The following NCKAP5 variants were observed in gnomAD, a reference collection of about 807,000 sequenced individuals.
NCKAP5 encodes NCK associated protein 5.
NCKAP5 carries 92 observed loss-of-function variants against 167.0 expected under a neutral mutation model. That is an observed-to-expected ratio of 0.55 (90% CI 0.47 to 0.66). The LOEUF is 0.66. Ranked by LOEUF, NCKAP5 falls within the 30% of genes least tolerant of loss-of-function variation. The pLI, the probability that NCKAP5 is intolerant of heterozygous loss-of-function variation, is 0.00. For synonymous variants in NCKAP5, 891 were observed against 877.4 expected, an observed-to-expected ratio of 1.02 and a Z score of -0.27; for missense variants, 2,378 against 2,315.0, an observed-to-expected ratio of 1.03 and a Z score of -0.56.
At chr2:132,685,548 G>A (rs1341770649) in intron 19 of NCKAP5, among the ~76,000 whole-genome samples, 2 of 152,104 alleles carry the variant, frequency 1.3e-5, no homozygotes, top group African/African-American at 2.4e-5. Flanking sequence ...ATTAACTCAA[G>A]GTAAGGAAGC....
intron 5 of NCKAP5, among the ~76,000 whole-genome samples, chr2:133,184,906 C>T (rs1383704418): frequency 6.6e-6 from 1 of 152,074 alleles, no homozygotes; most frequent in Non-Finnish European, 1.5e-5. Flanking sequence ...CTTCTCCCAA[C>T]ATACAGGTTT....
intron 3 of NCKAP5, among the ~76,000 whole-genome samples, chr2:133,442,160 C>T (rs1187540755): frequency 6.6e-6 from 1 of 152,086 alleles, no homozygotes; most frequent in African/African-American, 2.4e-5. Flanking sequence ...GGGCATCACA[C>T]GTGAGCTCTG....
At chr2:132,856,929 G>A (rs950851515) in intron 11 of NCKAP5, among the ~76,000 whole-genome samples, 1 of 152,180 alleles carries the variant, frequency 6.6e-6, no homozygotes, top group Non-Finnish European at 1.5e-5. Flanking sequence ...TCCTTGGTCT[G>A]TCAAATACCT....
At chr2:133,485,984 G>A (rs1680871724) in intron 3 of NCKAP5, among the ~76,000 whole-genome samples, 1 of 152,140 alleles carries the variant, frequency 6.6e-6, no homozygotes, top group Non-Finnish European at 1.5e-5. Context: ...AGAGGATTGA[G>A]TGAATCCCTC....
chr2:133,387,977 G>C (rs781254514), intron 3 of NCKAP5, among the ~76,000 whole-genome samples: 1 of 152,050 alleles, frequency 6.6e-6, no homozygotes, highest in Non-Finnish European at 1.5e-5. Context: ...ACTTCTTTGC[G>C]ATGGGTTCGA....
chr2:132,896,446 G>A (rs895971113), intron 8 of NCKAP5, among the ~76,000 whole-genome samples: 1 of 152,166 alleles, frequency 6.6e-6, no homozygotes, highest in African/African-American at 2.4e-5. Context: ...CTTTGTGTAA[G>A]TGAGTGGGTA....
chr2:133,523,300 T>TCACA (rs57259165), intron 2 of NCKAP5, among the ~76,000 whole-genome samples: 232 of 145,812 alleles, frequency 1.6e-3, no homozygotes, highest in African/African-American at 3.6e-3. Flanking sequence ...ATACACACAG[T>TCACA]CACACACACA....
At chr2:133,498,493 A>C (rs1480605245) in intron 3 of NCKAP5, among the ~76,000 whole-genome samples, 1 of 139,308 alleles carries the variant, frequency 7.2e-6, no homozygotes, top group East Asian at 2.5e-4. Flanking sequence ...GCAGGCAGGC[A>C]GGCAGGCAGG....
intron 5 of NCKAP5, among the ~76,000 whole-genome samples, chr2:133,175,609 A>T (rs2084426398): frequency 6.6e-6 from 1 of 152,200 alleles, no homozygotes. Context: ...CTGTACTCCT[A>T]CTTAGACCAA....
At chr2:133,587,424 C>T in the NCKAP5 span, among the ~76,000 whole-genome samples, 2 of 152,204 alleles carry the variant, frequency 1.3e-5, no homozygotes. Context: ...CTGAGTACAA[C>T]ACACCCAGTT....
At chr2:133,252,852 C>A (rs2150343500) in intron 4 of NCKAP5, among the ~76,000 whole-genome samples, 1 of 152,300 alleles carries the variant, frequency 6.6e-6, no homozygotes, top group Non-Finnish European at 1.5e-5. Context: ...GAATTCGTTC[C>A]AATGTCCAGA....
chr2:132,763,163 A>C (rs1574117047), intron 16 of NCKAP5, among the ~76,000 whole-genome samples: 1 of 152,222 alleles, frequency 6.6e-6, no homozygotes, highest in Admixed American at 6.5e-5. Context: ...CATAGTGATC[A>C]AAAGTGACGT....
chr2:132,849,135 G>C (rs752354017), intron 11 of NCKAP5, among the ~76,000 whole-genome samples: 1 of 152,172 alleles, frequency 6.6e-6, no homozygotes, highest in South Asian at 2.1e-4. Context: ...GGCTTCGCAG[G>C]GTCCCTGAAT....
At chr2:133,582,171 T>A in the NCKAP5 span, among the ~76,000 whole-genome samples, 3 of 152,152 alleles carry the variant, frequency 2.0e-5, no homozygotes, top group Non-Finnish European at 4.4e-5. Flanking sequence ...ACCAGTGGTT[T>A]TTAAAGTGTG....
chr2:133,108,655 A>C (rs930832859), intron 6 of NCKAP5, among the ~76,000 whole-genome samples: 1 of 152,228 alleles, frequency 6.6e-6, no homozygotes, highest in East Asian at 1.9e-4. Context: ...TTCATCCTTC[A>C]TGAGTGAAAC....
intron 6 of NCKAP5, among the ~76,000 whole-genome samples, chr2:133,083,153 C>T (rs2080869291): frequency 6.6e-6 from 1 of 152,098 alleles, no homozygotes; most frequent in African/African-American, 2.4e-5. Flanking sequence ...AATTATTTGA[C>T]AGTTGCTCAG....
chr2:133,126,803 A>G (rs533848153), intron 6 of NCKAP5, among the ~76,000 whole-genome samples: 1 of 152,256 alleles, frequency 6.6e-6, no homozygotes, highest in South Asian at 2.1e-4. Context: ...GCTAAATTAC[A>G]TGCTCATACT....
At chr2:133,614,215 G>A in the NCKAP5 span, among the ~76,000 whole-genome samples, 1 of 152,170 alleles carries the variant, frequency 6.6e-6, no homozygotes, top group African/African-American at 2.4e-5. Flanking sequence ...TCTGGGGCAA[G>A]TTCTCAGCCC....
At chr2:133,113,706 C>T (rs1397675198) in intron 6 of NCKAP5, among the ~76,000 whole-genome samples, 10 of 152,202 alleles carry the variant, frequency 6.6e-5, no homozygotes, top group South Asian at 4.1e-4. Context: ...GGTATGTGTG[C>T]GCACCCAAGA....
Sources: allele counts gnomAD v4.1 joint callset (sites outside exome capture counted in the v4.1 genomes callset), GRCh38; gene constraint gnomAD v4.1.1; transcripts MANE v1.5; gene names NCBI Gene and HGNC (gene_info 2026-07-23, HGNC 2026-07-21).